PRKN: variants seen among roughly 807,000 people sequenced by gnomAD.
The protein encoded by PRKN is E3 ubiquitin-protein ligase parkin.
In PRKN, 56 loss-of-function variants were observed where a neutral mutation model predicts 59.5. The ratio of observed to expected loss-of-function variants is 0.94; its 90% CI spans 0.76 to 1.18. PRKN has a LOEUF of 1.18. Among genes scored for constraint, PRKN ranks in the 50% most tolerant of loss-of-function variants. PRKN has a pLI of 0.00. For missense variants in PRKN, 657 were observed against 596.4 expected (o/e 1.10, Z -1.06); for synonymous variants, 250 against 222.1 (o/e 1.13, Z -1.12).
intron 1 of PRKN, among the ~76,000 whole-genome samples, chr6:162,513,469 G>GAAGAAAAGAA (rs138108454): frequency 0.2 from 25,843 of 127,978 alleles, 2,645 homozygotes; most frequent in East Asian, 0.45. Flanking sequence ...GTGAGATTCT[G>GAAGAAAAGAA]AAGAAAAGAA....
intron 4 of PRKN, among the ~76,000 whole-genome samples, chr6:162,151,078 A>G (rs984368146): frequency 6.6e-6 from 1 of 152,236 alleles, no homozygotes; most frequent in African/African-American, 2.4e-5. Flanking sequence ...TTAAGAAGAG[A>G]AAAAAGGGAA....
intron 2 of PRKN, among the ~76,000 whole-genome samples, chr6:162,390,613 G>T (rs559308561): frequency 6.6e-6 from 1 of 151,590 alleles, no homozygotes; most frequent in Non-Finnish European, 1.5e-5. Flanking sequence ...GCTAATATTT[G>T]TATTTTTTTA....
chr6:161,678,575 T>A lies in PRKN; in HGVS notation c.871+107197A>T, dbSNP rs1415607098. On this transcript the variant is annotated intron_variant, in intron 7 of 11. Transcript: ENST00000366898. ...CTCTTATTTTGGTGCCTGATTTTTT[T>A]TTTTTTTTTTTTTTGAGACAGAGTC... 3.4e-5 allele frequency among the ~76,000 whole-genome samples: 5 copies of A among 147,266 alleles called. No homozygotes were observed. The East Asian group carries it at 9.8e-4, about 29-fold the overall frequency.
At chr6:162,352,969 C>A (rs1318164612) in intron 2 of PRKN, among the ~76,000 whole-genome samples, 1 of 152,108 alleles carries the variant, frequency 6.6e-6, no homozygotes, top group Non-Finnish European at 1.5e-5. Context: ...TTCCTTATTT[C>A]CTAATGAGTA....
At chr6:161,728,121 A>T (rs910513352) in intron 7 of PRKN, among the ~76,000 whole-genome samples, 1 of 152,108 alleles carries the variant, frequency 6.6e-6, no homozygotes, top group Non-Finnish European at 1.5e-5. Context: ...AATACTTTGC[A>T]TGGGCTAAAA....
intron 6 of PRKN, among the ~76,000 whole-genome samples, chr6:161,894,875 A>G (rs1336213278): frequency 6.6e-6 from 1 of 152,222 alleles, no homozygotes; most frequent in East Asian, 1.9e-4. Context: ...TAATGAGGAT[A>G]TGATTTGGTC....
chr6:161,731,637 T>G (rs1787716570), intron 7 of PRKN, among the ~76,000 whole-genome samples: 1 of 152,200 alleles, frequency 6.6e-6, no homozygotes, highest in Non-Finnish European at 1.5e-5. Flanking sequence ...CCCCCACATT[T>G]CTGAAGAAAT....
intron 1 of PRKN, among the ~76,000 whole-genome samples, chr6:162,509,491 A>G (rs543949880): frequency 1.4e-4 from 21 of 152,326 alleles, no homozygotes; most frequent in African/African-American, 4.8e-4. Flanking sequence ...GCTGATCTTA[A>G]AAACAAGCCT....
intron 2 of PRKN, among the ~76,000 whole-genome samples, chr6:162,326,829 T>C (rs905995047): frequency 3.9e-5 from 6 of 152,174 alleles, no homozygotes; most frequent in African/African-American, 1.2e-4. Flanking sequence ...CTGACTTGCT[T>C]GGGGTTTATG....
At position 162,486,963 on chromosome 6, in the gene PRKN, G is replaced by A. The variant is rs1375265347; in HGVS notation, c.8-43490C>T. On this transcript the variant is annotated intron_variant, in intron 1 of 11. Coordinates refer to ENST00000366898, the MANE Select transcript of PRKN (RefSeq NM_004562.3). ...TGCATACCTGTAATCACAGCTACTC[G>A]GGAGGCTGAGGCAGGAGAATCATTT... 3.9e-5 allele frequency among the ~76,000 whole-genome samples: 6 copies of A among 152,088 alleles called. No individual in the cohort carries two copies. The East Asian group carries it at 1.2e-3, about 30-fold the overall frequency.
chr6:161,690,994 C>CATCCATCT (rs1785765557), intron 7 of PRKN, among the ~76,000 whole-genome samples: 1 of 151,038 alleles, frequency 6.6e-6, no homozygotes, highest in South Asian at 2.1e-4. Context: ...TCCATCCATC[C>CATCCATCT]ATCCATCCAT....
intron 1 of PRKN, among the ~76,000 whole-genome samples, chr6:162,632,049 C>G (rs1351860878): frequency 1.3e-5 from 2 of 151,674 alleles, no homozygotes; most frequent in African/African-American, 2.4e-5. Flanking sequence ...CACTTACACA[C>G]TGTTGGTGGG....
intron 1 of PRKN, among the ~76,000 whole-genome samples, chr6:162,580,642 T>A (rs549042752): frequency 2.0e-5 from 3 of 152,016 alleles, no homozygotes; most frequent in South Asian, 4.2e-4. Flanking sequence ...ATGAAATTCA[T>A]CTGGATGTGA....
At chr6:161,894,550 T>A (rs1016855001) in intron 6 of PRKN, among the ~76,000 whole-genome samples, 4 of 152,218 alleles carry the variant, frequency 2.6e-5, no homozygotes, top group Admixed American at 2.0e-4. Context: ...TGGACCTTAA[T>A]GTATCTTAAA....
chr6:161,773,804 A>G (rs1192101547), intron 7 of PRKN, among the ~76,000 whole-genome samples: 2 of 152,174 alleles, frequency 1.3e-5, no homozygotes, highest in Non-Finnish European at 2.9e-5. Flanking sequence ...TTTTATCTTT[A>G]AACACTTAAT....
intron 8 of PRKN, among the ~76,000 whole-genome samples, chr6:161,556,689 G>A (rs1780251325): frequency 6.6e-6 from 1 of 152,152 alleles, no homozygotes; most frequent in African/African-American, 2.4e-5. Context: ...CACTTCCCTT[G>A]ATATTCTTGT....
chr6:162,319,742 G>A (rs1481060173), intron 2 of PRKN, among the ~76,000 whole-genome samples: 1 of 151,856 alleles, frequency 6.6e-6, no homozygotes, highest in Non-Finnish European at 1.5e-5. Context: ...ATAAATTAGA[G>A]GAAATTAAGA....
chr6:162,542,980 C>G (rs1419148359), intron 1 of PRKN, among the ~76,000 whole-genome samples: 1 of 152,124 alleles, frequency 6.6e-6, no homozygotes, highest in African/African-American at 2.4e-5. Context: ...TCGACTCCCC[C>G]CAGGACTGCT....
At position 161,772,401 on chromosome 6, in the gene PRKN, C is replaced by T. The variant is rs184284591; in HGVS notation, c.871+13371G>A. ...AATGTGTCTCTAATGTTGCATATTG[C>T]CGAGCGGCTCTCTGGCTGCTGTAAG... On this transcript the variant is annotated intron_variant, in intron 7 of 11. Coordinates refer to ENST00000366898, the MANE Select transcript of PRKN (RefSeq NM_004562.3). Among the ~76,000 whole-genome samples the T allele has an allele frequency of 3.0e-4, 46 of 152,230 alleles. No individual in the cohort carries two copies. In the East Asian group the frequency reaches 8.7e-3, roughly 29 times the overall value.
Sources: gnomAD v4.1 joint callset for allele counts (sites outside exome capture counted in the v4.1 genomes callset) on GRCh38, gnomAD v4.1.1 for gene constraint, MANE v1.5 for transcripts, NCBI Gene and HGNC (gene_info 2026-07-23, HGNC 2026-07-21) for gene names.